Variants in SETBP1 observed in about 807,000 individuals in gnomAD.
The protein encoded by SETBP1 is SET binding protein 1, also known as SET-binding protein.
Under a neutral mutation model 101.0 loss-of-function variants are expected in SETBP1, and 9 were observed. The ratio of observed to expected loss-of-function variants is 0.09; its 90% CI spans 0.05 to 0.16. The LOEUF is 0.16. Ranked by LOEUF, SETBP1 falls within the 10% of genes least tolerant of loss-of-function variation. The probability of loss-of-function intolerance (pLI) is 1.00; values close to 1 mark genes in which losing one functional copy is unlikely to be tolerated. For missense variants in SETBP1, 1,858 were observed against 2,033.8 expected, an observed-to-expected ratio of 0.91 and a Z score of 1.66; for synonymous variants, 818 against 788.5, an observed-to-expected ratio of 1.04 and a Z score of -0.63.
chr18:44,885,855 A>C (rs1357643189), intron 3 of SETBP1, among the ~76,000 whole-genome samples: 2 of 41,272 alleles, frequency 4.8e-5, no homozygotes, highest in Admixed American at 2.0e-4. Context: ...AAAAAAAAAA[A>C]ACAAAAAAAA....
intron 3 of SETBP1, among the ~76,000 whole-genome samples, chr18:44,946,737 A>G (rs182412608): frequency 1.3e-5 from 2 of 152,292 alleles, no homozygotes; most frequent in African/African-American, 4.8e-5. Flanking sequence ...TTGGCTTTGT[A>G]GTAGGCCTTA....
intron 5 of SETBP1, among the ~76,000 whole-genome samples, chr18:45,045,378 C>T (rs8099534): frequency 3.9e-5 from 6 of 152,152 alleles, no homozygotes; most frequent in African/African-American, 1.2e-4. Flanking sequence ...TTGTAGTGAG[C>T]CGAAATCTCA....
At chr18:44,879,677 G>A (rs951954686) in intron 3 of SETBP1, among the ~76,000 whole-genome samples, 2 of 152,116 alleles carry the variant, frequency 1.3e-5, no homozygotes, top group Admixed American at 6.5e-5. Context: ...TATGATGCTT[G>A]CCATTTTAAA....
chr18:44,767,182 T>C (rs1348135395), intron 2 of SETBP1, among the ~76,000 whole-genome samples: 1 of 152,256 alleles, frequency 6.6e-6, no homozygotes, highest in Non-Finnish European at 1.5e-5. Flanking sequence ...CATCTCCCTC[T>C]CCTGGGGATG....
chr18:45,025,921 A>G (rs1453825460), intron 4 of SETBP1, among the ~76,000 whole-genome samples: 3 of 152,202 alleles, frequency 2.0e-5, no homozygotes, highest in Non-Finnish European at 1.5e-5. Flanking sequence ...TTAGACATAT[A>G]TTTATGTGCA....
chr18:44,931,510 C>T (rs184925452), intron 3 of SETBP1, among the ~76,000 whole-genome samples: 20 of 152,202 alleles, frequency 1.3e-4, no homozygotes, highest in African/African-American at 2.9e-4. Flanking sequence ...CTTTTTGTCT[C>T]GTTGATCTGT....
intron 2 of SETBP1, among the ~76,000 whole-genome samples, chr18:44,769,553 C>A (rs573827871): frequency 1.2e-4 from 18 of 152,304 alleles, no homozygotes; most frequent in African/African-American, 4.3e-4. Flanking sequence ...ATTCTTTCTT[C>A]TTTTCTTCTA....
At chr18:45,032,461 T>G (rs1184575833) in intron 4 of SETBP1, among the ~76,000 whole-genome samples, 1 of 152,176 alleles carries the variant, frequency 6.6e-6, no homozygotes, top group African/African-American at 2.4e-5. Context: ...AGAGTAACCT[T>G]CATCCTAAAA....
At chr18:44,727,186 C>CTCTGTGTG (rs143445388) in intron 2 of SETBP1, among the ~76,000 whole-genome samples, 12 of 145,186 alleles carry the variant, frequency 8.3e-5, no homozygotes, top group African/African-American at 2.9e-4. Flanking sequence ...TATTTGATCA[C>CTCTGTGTG]TGTGTGTGTG....
intron 2 of SETBP1, among the ~76,000 whole-genome samples, chr18:44,817,624 G>T (rs1376189268): frequency 6.6e-6 from 1 of 151,102 alleles, no homozygotes; most frequent in Non-Finnish European, 1.5e-5. Flanking sequence ...GGCAGAGCTT[G>T]CAGTGAGCTG....
intron 2 of SETBP1, among the ~76,000 whole-genome samples, chr18:44,813,104 C>T (rs943149163): frequency 1.3e-5 from 2 of 152,050 alleles, no homozygotes; most frequent in African/African-American, 2.4e-5. Context: ...GAAACCAATG[C>T]GGTTTCTCTG....
chr18:44,812,122 C>G (rs1387135991), intron 2 of SETBP1, among the ~76,000 whole-genome samples: 1 of 152,056 alleles, frequency 6.6e-6, no homozygotes, highest in Non-Finnish European at 1.5e-5. Context: ...TGAGGAGACT[C>G]TCATGAGGAG....
In SETBP1 at chr18:44,815,358, C is replaced by T. The variant is rs148619066; in HGVS notation, c.487-53872C>T. Among the ~76,000 whole-genome samples the T allele has an allele frequency of 5.3e-5, 8 of 152,276 alleles. No individual in the cohort carries two copies. In the East Asian group the frequency reaches 1.4e-3, roughly 26 times the overall value. ...AGGAGTTTTGAACTGAACTTTAAAG[C>T]GTGAGTTGGATTTGAAGAGGAGGCT... On this transcript the variant is annotated intron_variant, in intron 2 of 5. Coordinates refer to ENST00000649279, the MANE Select transcript of SETBP1 (RefSeq NM_015559.3).
At chr18:44,820,021 G>A (rs1340631016) in intron 2 of SETBP1, among the ~76,000 whole-genome samples, 1 of 152,260 alleles carries the variant, frequency 6.6e-6, no homozygotes, top group Non-Finnish European at 1.5e-5. Context: ...ACAACTGGAA[G>A]TTGTACTAGG....
intron 2 of SETBP1, among the ~76,000 whole-genome samples, chr18:44,743,151 C>T (rs545093783): frequency 6.6e-6 from 1 of 152,090 alleles, no homozygotes; most frequent in African/African-American, 2.4e-5. Context: ...TGCTCTTTCT[C>T]TCTCTCTCTC....
At chr18:44,990,869 A>G in intron 4 of SETBP1, among the ~76,000 whole-genome samples, 1 of 151,080 alleles carries the variant, frequency 6.6e-6, no homozygotes, top group Non-Finnish European at 1.5e-5. Flanking sequence ...TATAATATCT[A>G]AGTTAGCCAC....
chr18:44,708,068 T>C (rs1386537086), intron 2 of SETBP1, among the ~76,000 whole-genome samples: 1 of 152,202 alleles, frequency 6.6e-6, no homozygotes, highest in East Asian at 1.9e-4. Context: ...AGGAGGTGTT[T>C]GGCAGAGGGT....
intron 4 of SETBP1, among the ~76,000 whole-genome samples, chr18:45,028,840 C>G (rs2073227961): frequency 6.6e-6 from 1 of 152,174 alleles, no homozygotes; most frequent in East Asian, 1.9e-4. Context: ...TGTCCTTCAC[C>G]CACTTTTTGA....
rs140487559 is a variant in SETBP1, at chr18:44,731,160, G to A, written c.486+29328G>A. Among the ~76,000 whole-genome samples the A allele has an allele frequency of 9.2e-5, 14 of 152,246 alleles. No homozygotes were observed. In the East Asian group the frequency reaches 1.7e-3, roughly 19 times the overall value. On this transcript the variant is annotated intron_variant, in intron 2 of 5. Transcript: ENST00000649279. ...CTTTCCAGCCAGCATGGCAGGTCTCGGGGTAGTTGGACTTCACACATGGTA... is the reference window on the plus strand; with the variant it reads ...CTTTCCAGCCAGCATGGCAGGTCTCAGGGTAGTTGGACTTCACACATGGTA...
Sources: gnomAD v4.1 joint callset for allele counts (sites outside exome capture counted in the v4.1 genomes callset) on GRCh38, gnomAD v4.1.1 for gene constraint, MANE v1.5 for transcripts, NCBI Gene and HGNC (gene_info 2026-07-23, HGNC 2026-07-21) for gene names.